The following CADPS variants were observed in gnomAD, a reference collection of about 807,000 sequenced individuals.
CADPS encodes calcium dependent secretion activator.
CADPS carries 57 observed loss-of-function variants against 167.3 expected under a neutral mutation model. The observed-to-expected ratio is 0.34, with a 90% CI of 0.28 to 0.42. The LOEUF is 0.42. CADPS is among the 20% of genes least tolerant of loss of function. CADPS has a pLI of 1.00. For synonymous variants in CADPS, 676 were observed against 635.3 expected (o/e 1.06, Z -0.96); for missense variants, 1,414 against 1,738.1 (o/e 0.81, Z 3.32).
chr3:62,470,805 C>G (rs980624454), intron 24 of CADPS: 1 of 151,856 alleles, frequency 6.6e-6, no homozygotes, highest in African/African-American at 2.4e-5. Context: ...TGGATGGGCC[C>G]TTAATAAAGA....
At chr3:62,743,086 C>T (rs1363923623) in intron 3 of CADPS, among the ~76,000 whole-genome samples, 4 of 152,028 alleles carry the variant, frequency 2.6e-5, no homozygotes, top group Admixed American at 1.3e-4. Flanking sequence ...CCATCTCACA[C>T]GAGTCATAAC....
chr3:62,557,290 T>A (rs1185689864), intron 10 of CADPS, 115 bp downstream of exon 10: 1 of 744,440 alleles, frequency 1.3e-6, no homozygotes, highest in Admixed American at 1.9e-5. Flanking sequence ...GCTGAAACCC[T>A]TAGTGAATTG....
intron 21 of CADPS, among the ~76,000 whole-genome samples, chr3:62,487,963 T>C (rs1194445322): frequency 6.6e-6 from 1 of 152,230 alleles, no homozygotes; most frequent in Non-Finnish European, 1.5e-5. Context: ...TGCATTTCAT[T>C]ACAATGCATT....
rs184390108 is a variant in CADPS, at chr3:62,804,580, A to T, written c.442-38596T>A. 1.3e-3 allele frequency among the ~76,000 whole-genome samples: 191 copies of T among 152,086 alleles called. 2 individuals are homozygous for T. The highest frequency in any genetic ancestry group is 0.01 in the Middle Eastern group (3 of 294). Reference sequence around the variant, plus strand: ...TTTTTTTTCTTTTGGGAAGAGGTTCATCAGAGATGAGAGCTGCAGTAACAA... The same window carrying T: ...TTTTTTTTCTTTTGGGAAGAGGTTCTTCAGAGATGAGAGCTGCAGTAACAA... On this transcript the variant is annotated intron_variant, in intron 1 of 29. Coordinates refer to ENST00000383710, the MANE Select transcript of CADPS (RefSeq NM_003716.4).
At position 62,605,901 on chromosome 3, in the gene CADPS, C is replaced by T. The variant is rs183156818; in HGVS notation, c.1326-13153G>A. 1.1e-4 allele frequency among the ~76,000 whole-genome samples: 17 copies of T among 152,270 alleles called. No individual in the cohort carries two copies. In the East Asian group the frequency reaches 2.1e-3, roughly 19 times the overall value. On this transcript the variant is annotated intron_variant, in intron 6 of 29. Coordinates refer to ENST00000383710, the MANE Select transcript of CADPS (RefSeq NM_003716.4). ...GCAAATGTTTTCCAAACCATCTGAG[C>T]AATGGCTTTTGTGTTTTCTCAGTCT...
chr3:62,660,057 T>C (rs1315817882), intron 4 of CADPS, among the ~76,000 whole-genome samples: 1 of 152,084 alleles, frequency 6.6e-6, no homozygotes, highest in Non-Finnish European at 1.5e-5. Context: ...TATTTAGTGG[T>C]GGGGGTTGGG....
intron 2 of CADPS, among the ~76,000 whole-genome samples, chr3:62,755,946 T>C (rs1015249154): frequency 2.1e-4 from 32 of 152,270 alleles, no homozygotes; most frequent in South Asian, 6.2e-4. Flanking sequence ...CAATGGAGCA[T>C]TGTGGCAGGA....
At chr3:62,722,013 C>G (rs2151991806) in intron 3 of CADPS, among the ~76,000 whole-genome samples, 1 of 152,320 alleles carries the variant, frequency 6.6e-6, no homozygotes, top group South Asian at 2.1e-4. Context: ...AGAAACTCCA[C>G]TAAGGATGCA....
chr3:62,695,480 G>T (rs1248671460), intron 3 of CADPS, among the ~76,000 whole-genome samples: 1 of 152,038 alleles, frequency 6.6e-6, no homozygotes, highest in Non-Finnish European at 1.5e-5. Flanking sequence ...AAGATAAACT[G>T]AGTCTGACAC....
intron 8 of CADPS, among the ~76,000 whole-genome samples, chr3:62,584,949 G>C (rs1373256545): frequency 1.3e-5 from 2 of 152,156 alleles, no homozygotes; most frequent in East Asian, 3.9e-4. Context: ...AATTGTCCTA[G>C]AAACCGTATT....
intron 21 of CADPS, among the ~76,000 whole-genome samples, chr3:62,485,622 C>T (rs897981992): frequency 3.3e-5 from 5 of 151,420 alleles, no homozygotes; most frequent in Non-Finnish European, 5.9e-5. Flanking sequence ...TTGAAACCCT[C>T]ATCTGGGGAA....
chr3:62,453,633 G>C (rs2058343531), intron 26 of CADPS, among the ~76,000 whole-genome samples: 1 of 152,202 alleles, frequency 6.6e-6, no homozygotes, highest in Admixed American at 6.5e-5. Context: ...CGGATGTACT[G>C]GGACTGCGTG....
chr3:62,591,823 T>G (rs910479985), intron 7 of CADPS, among the ~76,000 whole-genome samples: 2 of 152,126 alleles, frequency 1.3e-5, no homozygotes, highest in African/African-American at 2.4e-5. Context: ...TGGCACTGAG[T>G]GGGTGGGTCC....
intron 10 of CADPS, chr3:62,550,952 T>A: frequency 2.2e-6 from 1 of 456,640 alleles, no homozygotes; most frequent in South Asian, 1.5e-5. Context: ...CTCCTTAGTC[T>A]TGTCTGGTGG....
rs1433072051 is a variant in CADPS at position 62,620,889 on chromosome 3, T to C, written c.1325+24833A>G. Reference sequence around the variant, plus strand: ...TCCACAGTGGGAGACAAACTCAGCCTCCCTTTGCCTCTGTCAGGATGCAGG... The same window carrying C: ...TCCACAGTGGGAGACAAACTCAGCCCCCCTTTGCCTCTGTCAGGATGCAGG... On this transcript the variant is annotated intron_variant, in intron 6 of 29. Transcript: ENST00000383710. 5.3e-5 allele frequency among the ~76,000 whole-genome samples: 8 copies of C among 152,096 alleles called. No individual in the cohort carries two copies. In the East Asian group the frequency reaches 1.4e-3, roughly 26 times the overall value.
intron 3 of CADPS, among the ~76,000 whole-genome samples, chr3:62,671,444 G>A (rs1250295257): frequency 6.6e-6 from 1 of 152,114 alleles, no homozygotes; most frequent in African/African-American, 2.4e-5. Context: ...GGGTATAGAG[G>A]AAGCAGGCGG....
intron 16 of CADPS, chr3:62,513,683 G>T: frequency 1.3e-6 from 2 of 1,590,708 alleles, no homozygotes; most frequent in Non-Finnish European, 1.7e-6. Context: ...AAGACAGGAT[G>T]CTCATACATT....
intron 3 of CADPS, among the ~76,000 whole-genome samples, chr3:62,739,316 A>G (rs545148): frequency 0.4 from 60,388 of 151,756 alleles, 12,414 homozygotes; most frequent in African/African-American, 0.48. Flanking sequence ...CCAAACCCAC[A>G]GCTGACAACA....
chr3:62,540,289 T>C (rs969891506), intron 11 of CADPS, among the ~76,000 whole-genome samples: 7 of 152,118 alleles, frequency 4.6e-5, no homozygotes, highest in Admixed American at 2.6e-4. Context: ...TTCTGTGTTT[T>C]CATTGGGTTA....
Sources: allele counts gnomAD v4.1 joint callset (sites outside exome capture counted in the v4.1 genomes callset), GRCh38; gene constraint gnomAD v4.1.1; transcripts MANE v1.5; gene names NCBI Gene and HGNC (gene_info 2026-07-23, HGNC 2026-07-21).